The following FSTL5 variants were observed in gnomAD, a reference collection of about 807,000 sequenced individuals.
FSTL5 encodes the protein follistatin like 5.
A neutral mutation model predicts 89.1 loss-of-function variants in FSTL5; 62 were observed. The observed-to-expected ratio is 0.70, with a 90% CI of 0.57 to 0.86. The LOEUF is 0.86. FSTL5 is among the 40% of genes least tolerant of loss of function. The probability of loss-of-function intolerance (pLI) is 0.00; values close to 1 mark genes in which losing one functional copy is unlikely to be tolerated. For synonymous variants in FSTL5, 383 were observed against 346.2 expected, an observed-to-expected ratio of 1.11 and a Z score of -1.18; for missense variants, 1,057 against 1,001.6, an observed-to-expected ratio of 1.06 and a Z score of -0.75.
chr4:162,041,374 A>G (rs922224379), intron 2 of FSTL5, among the ~76,000 whole-genome samples: 2 of 152,154 alleles, frequency 1.3e-5, no homozygotes, highest in Non-Finnish European at 2.9e-5. Context: ...TGGTTAAGTT[A>G]CTAAATAAGG....
rs898044305 is a variant in FSTL5 at position 162,056,192 on chromosome 4, T to C, written c.127-22534A>G. ...CTATAAAGCTTTAGTTCTCAGAATA[T>C]ATAAAGCACTAAAAATCAATTTAGA... On this transcript the variant is annotated intron_variant, in intron 2 of 15. Transcript: ENST00000306100. Among the ~76,000 whole-genome samples the C allele has an allele frequency of 2.6e-5, 4 of 151,958 alleles. No individual in the cohort carries two copies. The East Asian group carries it at 7.7e-4, about 29-fold the overall frequency.
At chr4:161,972,026 C>T (rs1051044257) in intron 3 of FSTL5, among the ~76,000 whole-genome samples, 1 of 152,154 alleles carries the variant, frequency 6.6e-6, no homozygotes, top group African/African-American at 2.4e-5. Flanking sequence ...CTGGTATGCA[C>T]TCACTTGTAT....
rs1732786739 is a variant in FSTL5, at chr4:162,142,446, A to G, written c.-17+21169T>C. 2.0e-5 allele frequency among the ~76,000 whole-genome samples: 3 copies of G among 152,250 alleles called. No homozygotes were observed. In the South Asian group the frequency reaches 6.2e-4, roughly 32 times the overall value. On this transcript the variant is annotated intron_variant, in intron 1 of 15. Transcript: ENST00000306100. ...TTTGAGAAAGAATATATAGAGAGAA[A>G]TTTGAGACAGTGGATAGAGACAGCT...
chr4:161,675,533 T>C (rs1370633199), intron 6 of FSTL5, among the ~76,000 whole-genome samples: 1 of 140,514 alleles, frequency 7.1e-6, no homozygotes, highest in Non-Finnish European at 1.6e-5. Flanking sequence ...TTTTTATTTA[T>C]CAAAATTCTC....
At chr4:161,950,597 T>C (rs2110951086) in intron 3 of FSTL5, among the ~76,000 whole-genome samples, 1 of 152,220 alleles carries the variant, frequency 6.6e-6, no homozygotes, top group East Asian at 1.9e-4. Flanking sequence ...GATCAGGAAG[T>C]TTACCTCGCA....
intron 10 of FSTL5, among the ~76,000 whole-genome samples, chr4:161,532,138 G>C (rs962334920): frequency 2.0e-5 from 3 of 151,448 alleles, no homozygotes; most frequent in Admixed American, 2.0e-4. Context: ...CCGGGAGGCA[G>C]AGCTTACAGT....
At chr4:162,112,491 C>T (rs1731483146) in intron 1 of FSTL5, among the ~76,000 whole-genome samples, 2 of 152,146 alleles carry the variant, frequency 1.3e-5, no homozygotes, top group South Asian at 4.1e-4. Context: ...AGTGCTTCTC[C>T]TGCCGTGGCC....
chr4:161,612,229 T>C (rs1734679255), intron 7 of FSTL5, among the ~76,000 whole-genome samples: 1 of 152,216 alleles, frequency 6.6e-6, no homozygotes, highest in African/African-American at 2.4e-5. Context: ...AGATAAAATA[T>C]AGAGGAAATG....
intron 4 of FSTL5, among the ~76,000 whole-genome samples, chr4:161,883,357 T>C (rs978923401): frequency 3.3e-5 from 5 of 152,204 alleles, no homozygotes; most frequent in African/African-American, 1.2e-4. Flanking sequence ...GCCTAACTTA[T>C]CAATGATGTA....
At chr4:161,753,657 C>T (rs72977161) in intron 6 of FSTL5, among the ~76,000 whole-genome samples, 12,204 of 152,074 alleles carry the variant, frequency 0.08, 935 homozygotes, top group African/African-American at 0.2. Flanking sequence ...TAGAAGCTTT[C>T]GATAAGTAAT....
chr4:161,765,483 C>T (rs181288042), intron 5 of FSTL5, among the ~76,000 whole-genome samples: 4 of 152,170 alleles, frequency 2.6e-5, no homozygotes, highest in East Asian at 1.9e-4. Context: ...ATGAACTCAG[C>T]GTAAAGATTA....
intron 10 of FSTL5, among the ~76,000 whole-genome samples, chr4:161,513,355 G>T (rs1181432467): frequency 3.3e-5 from 5 of 151,156 alleles, no homozygotes; most frequent in Non-Finnish European, 7.4e-5. Context: ...CCTTTTGATG[G>T]GTGGAGGGGA....
At chr4:161,535,477 T>C (rs892852256) in intron 10 of FSTL5, among the ~76,000 whole-genome samples, 1 of 151,848 alleles carries the variant, frequency 6.6e-6, no homozygotes, top group Non-Finnish European at 1.5e-5. Flanking sequence ...ATATGAAAAA[T>C]GCTCCACGTC....
At chr4:162,045,853 A>G (rs1359287423) in intron 2 of FSTL5, among the ~76,000 whole-genome samples, 1 of 152,184 alleles carries the variant, frequency 6.6e-6, no homozygotes. Flanking sequence ...TAGTATTCTT[A>G]GGCAACATTC....
At chr4:161,848,055 A>AAC (rs1731430245) in intron 4 of FSTL5, among the ~76,000 whole-genome samples, 2 of 150,688 alleles carry the variant, frequency 1.3e-5, no homozygotes, top group Non-Finnish European at 3.0e-5. Flanking sequence ...AAAAAAAAAA[A>AAC]AAAAAAACAA....
intron 3 of FSTL5, among the ~76,000 whole-genome samples, chr4:162,029,918 T>A (rs78738824): frequency 4.5e-5 from 1 of 22,172 alleles, no homozygotes; most frequent in Non-Finnish European, 7.4e-5. Context: ...TTTTTTTTTT[T>A]TTTTTTTTTA....
In FSTL5 at chr4:161,805,281, A is replaced by G. The variant is rs1343739989; in HGVS notation, c.410-29207T>C. The stretch of plus-strand genomic sequence containing the variant: ...CCAAGAAACAACAACTAAGAAATAA[A>G]TAGTAATTCTTCAAGATATTCTAAA... On this transcript the variant is annotated intron_variant, in intron 4 of 15. Transcript: ENST00000306100. 3.3e-5 allele frequency among the ~76,000 whole-genome samples: 5 copies of G among 152,150 alleles called. No homozygotes were observed. In the East Asian group the frequency reaches 9.6e-4, roughly 29 times the overall value.
intron 4 of FSTL5, among the ~76,000 whole-genome samples, chr4:161,902,570 G>A (rs543502135): frequency 3.3e-5 from 5 of 152,058 alleles, no homozygotes; most frequent in African/African-American, 4.8e-5. Flanking sequence ...AATTTCCACC[G>A]GGCACGGTGG....
intron 6 of FSTL5, among the ~76,000 whole-genome samples, chr4:161,669,068 C>T (rs1375041250): frequency 6.8e-5 from 10 of 147,026 alleles, no homozygotes; most frequent in East Asian, 6.0e-4. Context: ...ACTGAGATTC[C>T]GCCACGGCCC....
Sources: gnomAD v4.1 joint callset for allele counts (sites outside exome capture counted in the v4.1 genomes callset) on GRCh38, gnomAD v4.1.1 for gene constraint, MANE v1.5 for transcripts, NCBI Gene and HGNC (gene_info 2026-07-23, HGNC 2026-07-21) for gene names.